CWH43: variants seen among roughly 807,000 people sequenced by gnomAD.
The protein encoded by CWH43 is PGAP2-interacting protein.
CWH43 carries 91 observed loss-of-function variants against 85.7 expected under a neutral mutation model. The ratio of observed to expected loss-of-function variants is 1.06; its 90% CI spans 0.90 to 1.26. The LOEUF is 1.26. CWH43 is among the 50% of genes most tolerant of loss of function. The pLI, the probability that CWH43 is intolerant of heterozygous loss-of-function variation, is 0.00. For synonymous variants in CWH43, 323 were observed against 293.6 expected (o/e 1.10, Z -1.02); for missense variants, 869 against 839.2 (o/e 1.04, Z -0.44).
At chr4:49,054,710 A>G (rs757174096) in intron 15 of CWH43, among the ~76,000 whole-genome samples, 1 of 152,114 alleles carries the variant, frequency 6.6e-6, no homozygotes, top group Non-Finnish European at 1.5e-5. Flanking sequence ...TTCAGTGTAC[A>G]GGTGTTTCAC....
In CWH43 at chr4:49,003,730, A is replaced by T. The variant is rs376898587; in HGVS notation, c.803-5A>T. Reference sequence around the variant, plus strand: ...CTGTCTGATTCTTTTCTCTCTCACAAACAGGAACAGCTTCAGCTGCGGGGC... The same window carrying T: ...CTGTCTGATTCTTTTCTCTCTCACATACAGGAACAGCTTCAGCTGCGGGGC... On this transcript the variant is annotated splice_region_variant and splice_polypyrimidine_tract_variant and intron_variant, in intron 6 of 15. Coordinates refer to ENST00000226432, the MANE Select transcript of CWH43 (RefSeq NM_025087.3). 1 of 1,613,490 alleles carries T rather than the reference A, an allele frequency of 6.2e-7. No individual in the cohort carries two copies. The highest frequency in any genetic ancestry group is 1.3e-5 in the African/African-American group (1 of 74,984).
At chr4:49,020,105 T>C (rs963250351) in intron 9 of CWH43, among the ~76,000 whole-genome samples, 1 of 152,058 alleles carries the variant, frequency 6.6e-6, no homozygotes, top group Admixed American at 6.6e-5. Context: ...GGTGCAGTCA[T>C]CACCTGAGCA....
intron 9 of CWH43, among the ~76,000 whole-genome samples, chr4:49,019,424 AC>A (rs1285652138): frequency 6.6e-6 from 1 of 152,172 alleles, no homozygotes; most frequent in African/African-American, 2.4e-5. Flanking sequence ...CATCAGGGTG[AC>A]TGGCATGGCT....
chr4:49,017,855 T>C (rs1197871728), intron 9 of CWH43, among the ~76,000 whole-genome samples: 1 of 151,686 alleles, frequency 6.6e-6, no homozygotes, highest in Non-Finnish European at 1.5e-5. Context: ...TTTTTTTATT[T>C]GATGGAGTCT....
intron 1 of CWH43, among the ~76,000 whole-genome samples, chr4:48,987,002 C>T (rs1307393147): frequency 6.6e-6 from 1 of 152,206 alleles, no homozygotes; most frequent in Non-Finnish European, 1.5e-5. Context: ...AGACTCGAGT[C>T]TCATCTGCTC....
At chr4:49,059,799 T>A (rs1426339783) in intron 15 of CWH43, among the ~76,000 whole-genome samples, 1 of 151,860 alleles carries the variant, frequency 6.6e-6, no homozygotes, top group Non-Finnish European at 1.5e-5. Flanking sequence ...CAATAGGGAC[T>A]GGACTTGAAG....
At position 48,986,388 on chromosome 4, in the gene CWH43, C is replaced by A. The variant is rs1228549533; in HGVS notation, c.-42C>A. ...CGCAGGGCTAGGGCAGCGGGCCCGA[C>A]CCGCACGGCTTTCCTGGAAAGCGCT... On this transcript the variant is annotated 5_prime_UTR_variant, in exon 1 of 16. Transcript: ENST00000226432. The A allele has an allele frequency of 6.5e-7, 1 of 1,542,932 alleles. No homozygotes were observed. The highest frequency in any genetic ancestry group is 8.8e-7 in the Non-Finnish European group (1 of 1,142,512).
chr4:49,011,842 G>A (rs902370041), intron 8 of CWH43, among the ~76,000 whole-genome samples: 5 of 152,274 alleles, frequency 3.3e-5, no homozygotes, highest in East Asian at 1.9e-4. Context: ...CAAAAGATCC[G>A]CTGTTAGTCT....
At chr4:49,055,351 A>G (rs1157589475) in intron 15 of CWH43, among the ~76,000 whole-genome samples, 1 of 152,150 alleles carries the variant, frequency 6.6e-6, no homozygotes, top group Non-Finnish European at 1.5e-5. Flanking sequence ...CCCAAGGAAA[A>G]ATCCCCCTTG....
At chr4:48,987,909 C>G (rs1292818557) in intron 1 of CWH43, among the ~76,000 whole-genome samples, 1 of 152,060 alleles carries the variant, frequency 6.6e-6, no homozygotes, top group Non-Finnish European at 1.5e-5. Context: ...CTTTTGGACT[C>G]TCACAATATT....
At chr4:49,036,381 T>G (rs557680090) in intron 12 of CWH43, among the ~76,000 whole-genome samples, 32 of 152,356 alleles carry the variant, frequency 2.1e-4, no homozygotes, top group African/African-American at 6.7e-4. Flanking sequence ...AGCTACCACC[T>G]GCCTTCTGTT....
intron 8 of CWH43, among the ~76,000 whole-genome samples, chr4:49,016,425 T>G (rs1409089098): frequency 6.6e-6 from 1 of 152,050 alleles, no homozygotes; most frequent in South Asian, 2.1e-4. Context: ...ATGGTTTATC[T>G]CCTGCCTTCA....
At chr4:49,017,394 T>C in intron 9 of CWH43, 66 bp downstream of exon 9, 1 of 1,188,142 alleles carries the variant, frequency 8.4e-7, no homozygotes, top group Non-Finnish European at 1.2e-6. Context: ...ATTTGTACAA[T>C]TTACCATTCT....
At chr4:49,037,989 G>C in intron 12 of CWH43, 47 bp from the exon 13 acceptor site, 1 of 1,542,686 alleles carries the variant, frequency 6.5e-7, no homozygotes, top group South Asian at 1.3e-5. Flanking sequence ...GCTTTTTAAA[G>C]TTTGTTTTAC....
intron 7 of CWH43, 35 bp downstream of exon 7, chr4:49,004,027 T>C: frequency 6.4e-7 from 1 of 1,566,514 alleles, no homozygotes; most frequent in South Asian, 1.2e-5. Flanking sequence ...TTAAAATAAT[T>C]GCTCAAAAAT....
intron 13 of CWH43, among the ~76,000 whole-genome samples, chr4:49,039,352 G>GATAT (rs1254187084): frequency 3.8e-3 from 22 of 5,860 alleles, no homozygotes; most frequent in African/African-American, 6.7e-3. Context: ...TATATATACT[G>GATAT]ATATATATAT....
Position 49,025,999 on chromosome 4 carries a change from ACT to A in CWH43, c.1267-2626_1267-2625del, listed in dbSNP as rs201461441. Among the ~76,000 whole-genome samples the A allele has an allele frequency of 9.7e-3, 1,470 of 151,346 alleles. 17 individuals are homozygous for A. Among genetic ancestry groups the A allele is most frequent in the African/African-American group, 0.03 (1,223 of 41,242 alleles). On this transcript the variant is annotated intron_variant, in intron 9 of 15. Coordinates refer to ENST00000226432, the MANE Select transcript of CWH43 (RefSeq NM_025087.3). ...CAGGGTTAGGTGTGTCTGAGCTCAG[ACT>A]CTCGTTGGGCTGGGCCGGCTGTAGC...
chr4:48,986,654 C>G, intron 1 of CWH43, 182 bp downstream of exon 1: 1 of 1,391,776 alleles, frequency 7.2e-7, no homozygotes, highest in Non-Finnish European at 9.3e-7. Flanking sequence ...AGGAAAAGAC[C>G]TAGATTGAAG....
In CWH43 at chr4:49,000,978, A is replaced by C. The variant is rs1028853194; in HGVS notation, c.802+2430A>C. Among the ~76,000 whole-genome samples, 3 of 152,206 alleles carry C rather than the reference A, an allele frequency of 2.0e-5. No homozygotes were observed. In the East Asian group the frequency reaches 5.8e-4, roughly 29 times the overall value. ...TTGGAGCTCAAGCTTAATTATCTGGAGGTGGTGCCCACTTTTCACTGTGAT... is the reference window on the plus strand; with the variant it reads ...TTGGAGCTCAAGCTTAATTATCTGGCGGTGGTGCCCACTTTTCACTGTGAT... On this transcript the variant is annotated intron_variant, in intron 6 of 15. Coordinates refer to ENST00000226432, the MANE Select transcript of CWH43 (RefSeq NM_025087.3).
Sources: gnomAD v4.1 joint callset for allele counts (sites outside exome capture counted in the v4.1 genomes callset) on GRCh38, gnomAD v4.1.1 for gene constraint, MANE v1.5 for transcripts, NCBI Gene and HGNC (gene_info 2026-07-23, HGNC 2026-07-21) for gene names.